The following UTRN variants were observed in gnomAD, a reference collection of about 807,000 sequenced individuals.
UTRN encodes the protein dystrophin-related protein 1.
UTRN carries 283 observed loss-of-function variants against 463.9 expected under a neutral mutation model. That is an observed-to-expected ratio of 0.61 (90% CI 0.55 to 0.67). The LOEUF is 0.67. Among genes scored for constraint, UTRN ranks in the 30% least tolerant of loss-of-function variants. UTRN has a pLI of 0.00. For missense variants in UTRN, 3,922 were observed against 4,084.3 expected (o/e 0.96, Z 1.08); for synonymous variants, 1,442 against 1,431.5 (o/e 1.01, Z -0.17).
At chr6:144,364,518 C>T (rs1266153930) in intron 2 of UTRN, among the ~76,000 whole-genome samples, 2 of 152,158 alleles carry the variant, frequency 1.3e-5, no homozygotes, top group East Asian at 1.9e-4. Context: ...CTCCCCACTT[C>T]GCGTTTTTAC....
intron 60 of UTRN, among the ~76,000 whole-genome samples, chr6:144,775,854 C>T (rs554724669): frequency 1.3e-5 from 2 of 152,240 alleles, no homozygotes; most frequent in East Asian, 1.9e-4. Context: ...TCTTTGGATT[C>T]CTGAAGAAAA....
chr6:144,403,989 C>T lies in UTRN; in HGVS notation c.141+805C>T, dbSNP rs572605429. ...TAAAAGCTATTTTAATGAAGAGTTG[C>T]TTTTCAAAATTTTTGGTTGCTTTTC... On this transcript the variant is annotated intron_variant, in intron 3 of 74. Transcript: ENST00000367545. 4.6e-5 allele frequency among the ~76,000 whole-genome samples: 7 copies of T among 152,180 alleles called. No homozygotes were observed. In the South Asian group the frequency reaches 1.5e-3, roughly 32 times the overall value.
intron 53 of UTRN, among the ~76,000 whole-genome samples, chr6:144,712,786 T>G (rs1475482517): frequency 1.3e-5 from 2 of 152,122 alleles, no homozygotes; most frequent in Middle Eastern, 3.2e-3. Flanking sequence ...CTTGGGAAGA[T>G]TGGGAAAGGC....
At chr6:144,849,099 A>T (rs1244277630) in intron 74 of UTRN, among the ~76,000 whole-genome samples, 1 of 152,128 alleles carries the variant, frequency 6.6e-6, no homozygotes, top group Admixed American at 6.5e-5. Context: ...AGATGCAGGC[A>T]GCATTCAGAG....
chr6:144,817,116 T>C (rs749461059), intron 65 of UTRN, among the ~76,000 whole-genome samples: 3 of 152,118 alleles, frequency 2.0e-5, no homozygotes, highest in Non-Finnish European at 2.9e-5. Context: ...CTGAACTTGG[T>C]TGGAGTCCAT....
chr6:144,413,291 C>A (rs1453551238), intron 3 of UTRN, among the ~76,000 whole-genome samples: 1 of 152,080 alleles, frequency 6.6e-6, no homozygotes, highest in Non-Finnish European at 1.5e-5. Context: ...TAGCACAATG[C>A]CATTTACTCG....
At chr6:144,604,146 A>ATGT (rs1804567459) in intron 51 of UTRN, among the ~76,000 whole-genome samples, 1 of 152,210 alleles carries the variant, frequency 6.6e-6, no homozygotes, top group Non-Finnish European at 1.5e-5. Flanking sequence ...ACAGTAAGTC[A>ATGT]TATCTCTGAG....
At chr6:144,309,873 A>T (rs1485917868) in intron 2 of UTRN, among the ~76,000 whole-genome samples, 1 of 152,174 alleles carries the variant, frequency 6.6e-6, no homozygotes, top group African/African-American at 2.4e-5. Context: ...GTTTGTGCTC[A>T]TTATATGAGG....
chr6:144,774,326 C>A lies in UTRN; in HGVS notation c.8594C>A (p.Thr2865Lys). 1 of 1,601,798 alleles carries A rather than the reference C, an allele frequency of 6.2e-7. No individual in the cohort carries two copies. Among genetic ancestry groups the A allele is most frequent in the Non-Finnish European group, 8.5e-7 (1 of 1,176,404 alleles). Residue 2865 changes from threonine (T) to lysine (K), a missense_variant, in exon 60 of 75, where the codon ACA becomes AAA. Physicochemically the swap from Thr to Lys is moderately conservative, Grantham distance 78. Around this residue, in one of 3 missense-constraint regions of UTRN, gnomAD observed 1,309 missense variants for 1,452.6 expected, o/e 0.90. Transcript: ENST00000367545. Reference protein sequence around the residue: ...LNNVRFSAYRTAIKIRRLQKA... With the variant: ...LNNVRFSAYRKAIKIRRLQKA... ...AATGTACGTTTTTCTGCCTACCGTA[C>A]AGCAATCAAAATCCGAAGACTACAA...
chr6:144,671,081 T>C (rs1380905246), intron 51 of UTRN, among the ~76,000 whole-genome samples: 4 of 152,130 alleles, frequency 2.6e-5, no homozygotes, highest in Non-Finnish European at 5.9e-5. Flanking sequence ...TGCCTCCAGA[T>C]TTCTCCCTTT....
At chr6:144,769,587 T>C (rs1314184505) in intron 58 of UTRN, among the ~76,000 whole-genome samples, 2 of 152,242 alleles carry the variant, frequency 1.3e-5, no homozygotes, top group Admixed American at 1.3e-4. Context: ...TATTTTCCTC[T>C]TGTGATTCCG....
intron 71 of UTRN, 82 bp downstream of exon 71, chr6:144,836,623 G>C: frequency 6.4e-7 from 1 of 1,554,074 alleles, no homozygotes; most frequent in Non-Finnish European, 8.7e-7. Context: ...GGTGTCAGGA[G>C]AGGCAGAGAA....
At chr6:144,376,914 C>G (rs1205034209) in intron 2 of UTRN, among the ~76,000 whole-genome samples, 1 of 152,118 alleles carries the variant, frequency 6.6e-6, no homozygotes, top group Non-Finnish European at 1.5e-5. Context: ...ATTAATAATA[C>G]TGTGCTCTAA....
chr6:144,710,769 T>C (rs1319491214), intron 53 of UTRN, among the ~76,000 whole-genome samples: 1 of 152,210 alleles, frequency 6.6e-6, no homozygotes, highest in Non-Finnish European at 1.5e-5. Context: ...ATAGGCTACA[T>C]GAGCAGTTTT....
chr6:144,674,899 G>C (rs1181855692), intron 51 of UTRN, among the ~76,000 whole-genome samples: 1 of 152,154 alleles, frequency 6.6e-6, no homozygotes, highest in Non-Finnish European at 1.5e-5. Flanking sequence ...CCTTTCTCTG[G>C]TGCCTCCTTG....
rs775211531 is a variant in UTRN at position 144,678,522 on chromosome 6, A to G, written c.7596A>G (p.Arg2532=). The change falls in exon 52 of 75, where the codon CGA becomes CGG. Residue 2532 remains arginine, a synonymous_variant. Transcript: ENST00000367545. ...AAGAGGCTACTATGCTTCAACATCG[A>G]CTGGATGATATGAACCAAAGATGGA... ...NSEEATMLQH[R]LDDMNQRWND... The G allele has an allele frequency of 6.2e-7, 1 of 1,613,004 alleles. No homozygotes were observed. The highest frequency in any genetic ancestry group is 2.2e-5 in the East Asian group (1 of 44,788).
At chr6:144,555,917 T>G (rs928127912) in intron 49 of UTRN, among the ~76,000 whole-genome samples, 5 of 152,234 alleles carry the variant, frequency 3.3e-5, no homozygotes, top group Admixed American at 3.3e-4. Context: ...ACTACTATAG[T>G]GAACAAATCA....
intron 2 of UTRN, among the ~76,000 whole-genome samples, chr6:144,343,241 A>T (rs191889394): frequency 6.4e-4 from 97 of 152,334 alleles, no homozygotes; most frequent in African/African-American, 2.0e-3. Context: ...ACTAGAAAGT[A>T]GATGTGATCA....
At chr6:144,840,383 AT>A (rs201855091) in intron 72 of UTRN, among the ~76,000 whole-genome samples, 3 of 151,856 alleles carry the variant, frequency 2.0e-5, no homozygotes, top group African/African-American at 2.4e-5. Context: ...AATTGGTGAA[AT>A]TTTTTTTGTA....
Sources: allele counts gnomAD v4.1 joint callset (sites outside exome capture counted in the v4.1 genomes callset), GRCh38; gene constraint gnomAD v4.1.1; regional missense constraint gnomAD v4.1.1; transcripts MANE v1.5; gene names NCBI Gene and HGNC (gene_info 2026-07-23, HGNC 2026-07-21).